Variants in BAIAP2L1 observed in about 807,000 individuals in gnomAD.
BAIAP2L1 encodes BAR/IMD domain-containing adapter protein 2-like 1.
Under a neutral mutation model 66.3 loss-of-function variants are expected in BAIAP2L1, and 35 were observed. The observed-to-expected ratio is 0.53, with a 90% CI of 0.40 to 0.70. The LOEUF (loss-of-function observed/expected upper bound fraction) is 0.70, where lower values mean the gene tolerates loss of function less well. Ranked by LOEUF, BAIAP2L1 falls within the 30% of genes least tolerant of loss-of-function variation. BAIAP2L1 has a pLI of 0.00. For synonymous variants in BAIAP2L1, 269 were observed against 248.7 expected (o/e 1.08, Z -0.77); for missense variants, 622 against 656.9 (o/e 0.95, Z 0.58).
intron 1 of BAIAP2L1, among the ~76,000 whole-genome samples, chr7:98,379,209 G>A (rs530794104): frequency 4.6e-5 from 7 of 152,138 alleles, no homozygotes; most frequent in South Asian, 4.2e-4. Context: ...AACCACCACC[G>A]CATTTCCAGC....
At chr7:98,336,125 C>G (rs1446177157) in intron 3 of BAIAP2L1, among the ~76,000 whole-genome samples, 1 of 143,450 alleles carries the variant, frequency 7.0e-6, no homozygotes, top group Non-Finnish European at 1.5e-5. Context: ...ATGGGAACAA[C>G]AGACACTGGG....
chr7:98,310,686 CTATT>C (rs3062609), intron 8 of BAIAP2L1, 94 bp from the exon 9 acceptor site: 120 of 802,550 alleles, frequency 1.5e-4, no homozygotes, highest in East Asian at 3.0e-4. Flanking sequence ...AAATAATAGG[CTATT>C]TATTTATTTA....
chr7:98,329,682 C>T (rs968023591), intron 3 of BAIAP2L1, among the ~76,000 whole-genome samples: 6 of 151,506 alleles, frequency 4.0e-5, no homozygotes, highest in Non-Finnish European at 7.4e-5. Flanking sequence ...CTCCAGCCCC[C>T]TCCAGTCTTC....
intron 1 of BAIAP2L1, among the ~76,000 whole-genome samples, chr7:98,391,000 ATTTTT>A (rs10538495): frequency 6.9e-6 from 1 of 144,272 alleles, no homozygotes; most frequent in Non-Finnish European, 1.5e-5. Flanking sequence ...CACCCAGCTA[ATTTTT>A]TTTTTTTTTT....
At chr7:98,303,468 C>T (rs144751853) in intron 12 of BAIAP2L1, among the ~76,000 whole-genome samples, 4 of 152,322 alleles carry the variant, frequency 2.6e-5, no homozygotes, top group East Asian at 1.9e-4. Context: ...CTCCCCACCA[C>T]GCCATCACCT....
intron 3 of BAIAP2L1, among the ~76,000 whole-genome samples, chr7:98,333,312 A>G (rs772892484): frequency 3.3e-5 from 5 of 152,142 alleles, no homozygotes; most frequent in Non-Finnish European, 7.4e-5. Context: ...AAATGAGCAC[A>G]CTGGGCCAGG....
At chr7:98,370,032 A>T (rs1246913843) in intron 1 of BAIAP2L1, among the ~76,000 whole-genome samples, 1 of 152,060 alleles carries the variant, frequency 6.6e-6, no homozygotes, top group Non-Finnish European at 1.5e-5. Flanking sequence ...AAATACGAAG[A>T]ACAACAAATG....
chr7:98,388,030 G>C (rs761062364), intron 1 of BAIAP2L1, among the ~76,000 whole-genome samples: 1 of 152,008 alleles, frequency 6.6e-6, no homozygotes, highest in African/African-American at 2.4e-5. Context: ...TGTAAATAAG[G>C]AGGCAGGTAA....
At position 98,345,154 on chromosome 7, in the gene BAIAP2L1, C is replaced by T. The variant is rs554691401; in HGVS notation, c.214+9888G>A. 4.6e-5 allele frequency among the ~76,000 whole-genome samples: 7 copies of T among 152,204 alleles called. No homozygotes were observed. The East Asian group carries it at 1.4e-3, about 29-fold the overall frequency. On this transcript the variant is annotated intron_variant, in intron 3 of 13. Coordinates refer to ENST00000005260, the MANE Select transcript of BAIAP2L1 (RefSeq NM_018842.5). ...GTCTTTAAAGACACAAAAAAATTTA[C>T]ATCCGCAATAAAGAGGACAACCAGC...
chr7:98,298,942 A>G (rs1254825178), intron 12 of BAIAP2L1, among the ~76,000 whole-genome samples: 1 of 152,062 alleles, frequency 6.6e-6, no homozygotes, highest in African/African-American at 2.4e-5. Context: ...CCTGGGCTCA[A>G]TCGATCCTCT....
intron 12 of BAIAP2L1, among the ~76,000 whole-genome samples, chr7:98,294,496 C>T (rs538885923): frequency 3.9e-5 from 6 of 152,272 alleles, no homozygotes; most frequent in African/African-American, 1.2e-4. Context: ...GCGGGTCACC[C>T]GTGATGTCGG....
At position 98,315,624 on chromosome 7, in the gene BAIAP2L1, A is replaced by AT. The variant is rs66961509; in HGVS notation, c.487-13_487-12insA. 4.1e-3 allele frequency: 4,784 copies of AT among 1,171,264 alleles called. 21 individuals are homozygous for AT. The highest frequency in any genetic ancestry group is 0.018 in the African/African-American group (1,145 of 62,568). The allele number at this position is 1,171,264 out of a possible 1,614,324, so 72.6% of individuals were successfully genotyped here. ...ACGGTCTCCACATACTAAAAAAAAAAAAATAATAATAATAATAATTATATA... is the reference window on the plus strand; with the variant it reads ...ACGGTCTCCACATACTAAAAAAAAAATAAATAATAATAATAATAATTATATA... On this transcript the variant is annotated splice_polypyrimidine_tract_variant and intron_variant, in intron 6 of 13. Coordinates refer to ENST00000005260, the MANE Select transcript of BAIAP2L1 (RefSeq NM_018842.5).
At chr7:98,386,888 A>G (rs921631597) in intron 1 of BAIAP2L1, among the ~76,000 whole-genome samples, 10 of 151,598 alleles carry the variant, frequency 6.6e-5, no homozygotes, top group Non-Finnish European at 1.2e-4. Flanking sequence ...TTTAGTAGAG[A>G]CGGGGTTTCA....
At chr7:98,302,593 C>T (rs776044911) in intron 12 of BAIAP2L1, among the ~76,000 whole-genome samples, 3 of 56,490 alleles carry the variant, frequency 5.3e-5, no homozygotes, top group East Asian at 3.5e-4. Context: ...CACGGGGGAA[C>T]GCAGAAAGGA....
chr7:98,300,853 A>G (rs2906183), intron 12 of BAIAP2L1, among the ~76,000 whole-genome samples: 14,252 of 152,042 alleles, frequency 0.094, 766 homozygotes, highest in South Asian at 0.24. Flanking sequence ...CCCCCAAGTC[A>G]CCGCAACGCC....
At chr7:98,315,811 CAG>C (rs1477119036) in intron 6 of BAIAP2L1, among the ~76,000 whole-genome samples, 199 bp from the exon 7 acceptor site, 3 of 152,080 alleles carry the variant, frequency 2.0e-5, no homozygotes, top group African/African-American at 7.2e-5. Context: ...GACTCGTGTG[CAG>C]AGAGAAGTTG....
intron 3 of BAIAP2L1, among the ~76,000 whole-genome samples, chr7:98,339,734 A>G (rs1318143033): frequency 6.6e-6 from 1 of 151,418 alleles, no homozygotes; most frequent in Non-Finnish European, 1.5e-5. Flanking sequence ...TCTCAACCCC[A>G]CTCCCCAATT....
intron 3 of BAIAP2L1, among the ~76,000 whole-genome samples, chr7:98,321,489 G>A (rs745857981): frequency 6.6e-5 from 10 of 152,272 alleles, no homozygotes; most frequent in Middle Eastern, 3.4e-3. Context: ...TGATGGGCAG[G>A]ATGCTCCAGG....
At chr7:98,307,463 T>C in intron 10 of BAIAP2L1, 2 of 1,406,924 alleles carry the variant, frequency 1.4e-6, no homozygotes, top group Non-Finnish European at 1.8e-6. Context: ...GACAGGTGAC[T>C]TCATACGCTC....
Sources: gnomAD v4.1 joint callset for allele counts (sites outside exome capture counted in the v4.1 genomes callset) on GRCh38, gnomAD v4.1.1 for gene constraint, MANE v1.5 for transcripts, NCBI Gene and HGNC (gene_info 2026-07-23, HGNC 2026-07-21) for gene names.